ESRRB: variants seen among roughly 807,000 people sequenced by gnomAD.
ESRRB encodes the protein steroid hormone receptor ERR2.
In ESRRB, 16 loss-of-function variants were observed where a neutral mutation model predicts 46.0. The ratio of observed to expected loss-of-function variants is 0.35; its 90% confidence interval spans 0.24 to 0.53. ESRRB has a LOEUF of 0.53. ESRRB is among the 20% of genes least tolerant of loss of function. The pLI is 0.93. For synonymous variants in ESRRB, 246 were observed against 259.6 expected (o/e 0.95, Z 0.50); for missense variants, 488 against 607.4 (o/e 0.80, Z 2.07).
Position 76,499,790 on chromosome 14 carries a change from CTA to C in ESRRB, c.*1334_*1335del. Reference sequence around the variant, plus strand: ...AGGCACACGGGGACAGTGGGTCACTCTATTTCTGTGGATGGCCGTGAAAGTTT... The same window carrying C: ...AGGCACACGGGGACAGTGGGTCACTCTTTCTGTGGATGGCCGTGAAAGTTT... On this transcript the variant is annotated 3_prime_UTR_variant, in exon 7 of 7. Transcript: ENST00000644823. The C allele has an allele frequency of 9.2e-6, 12 of 1,301,728 alleles. No homozygotes were observed. The highest frequency in any genetic ancestry group is 1.3e-5 in the Non-Finnish European group (12 of 895,256). The allele number at this position is 1,301,728 out of a possible 1,614,324, so 80.6% of individuals were successfully genotyped here.
intron 3 of ESRRB, chr14:76,463,445 G>GTTTTTTTTGTTTTGTTTTTTTTTTTTT (rs1362309981): frequency 8.7e-6 from 1 of 114,738 alleles, no homozygotes; most frequent in African/African-American, 3.7e-5. Flanking sequence ...ATGCTTCTTT[G>GTTTTTTTTGTTTTGTTTTTTTTTTTTT]TTTTTTTTTT....
At chr14:76,450,147 G>C (rs1357248997) in intron 2 of ESRRB, among the ~76,000 whole-genome samples, 2 of 152,110 alleles carry the variant, frequency 1.3e-5, no homozygotes, top group African/African-American at 4.8e-5. Flanking sequence ...GAGAAAGGGG[G>C]GGGGTCTCAT....
chr14:76,346,011 G>T (rs1417234292), intron 1 of ESRRB, among the ~76,000 whole-genome samples: 2 of 152,092 alleles, frequency 1.3e-5, no homozygotes, highest in Non-Finnish European at 2.9e-5. Context: ...ATTTGAGGAA[G>T]GATCTGTCCA....
intron 2 of ESRRB, among the ~76,000 whole-genome samples, chr14:76,452,465 A>G (rs1888423050): frequency 6.6e-6 from 1 of 151,806 alleles, no homozygotes; most frequent in African/African-American, 2.4e-5. Flanking sequence ...CGTCTATACT[A>G]AAAATACAAA....
intron 3 of ESRRB, among the ~76,000 whole-genome samples, chr14:76,468,720 C>T (rs1456367531): frequency 2.0e-5 from 3 of 152,062 alleles, no homozygotes; most frequent in Non-Finnish European, 4.4e-5. Flanking sequence ...ATAATAGTGC[C>T]TATCTTCATC....
chr14:76,389,057 G>A (rs2139815755), intron 1 of ESRRB, among the ~76,000 whole-genome samples: 1 of 152,308 alleles, frequency 6.6e-6, no homozygotes, highest in African/African-American at 2.4e-5. Context: ...AAGATATGGA[G>A]CGTATCTTCA....
intron 1 of ESRRB, among the ~76,000 whole-genome samples, chr14:76,352,266 A>G (rs34672020): frequency 0.47 from 70,810 of 151,994 alleles, 16,519 homozygotes; most frequent in Admixed American, 0.48. Flanking sequence ...ATAAGAACCT[A>G]TGTAAATGCC....
Position 76,399,726 on chromosome 14 carries a change from C to T in ESRRB, c.50+23275C>T, listed in dbSNP as rs77859710. ...AAGAGGAACTCCAAAAATGCTTTGA[C>T]GAAAGCCAGCATCACTGGGAATTGG... On this transcript the variant is annotated intron_variant, in intron 1 of 6. Transcript: ENST00000644823. Among the ~76,000 whole-genome samples, 651 of 152,258 alleles carry T rather than the reference C, an allele frequency of 4.3e-3. 6 individuals are homozygous for T. The highest frequency in any genetic ancestry group is 0.014 in the African/African-American group (583 of 41,556).
chr14:76,442,871 G>T (rs1273107323), intron 2 of ESRRB, among the ~76,000 whole-genome samples: 1 of 144,482 alleles, frequency 6.9e-6, no homozygotes, highest in Non-Finnish European at 1.5e-5. Context: ...CTGGAGTGCA[G>T]TGGCATGATC....
In ESRRB at chr14:76,395,610, T is replaced by C. The variant is rs143684730; in HGVS notation, c.50+19159T>C. 1.6e-3 allele frequency among the ~76,000 whole-genome samples: 237 copies of C among 152,148 alleles called. 1 individual carries two copies. Among genetic ancestry groups the C allele is most frequent in the African/African-American group, 5.3e-3 (221 of 41,494 alleles). ...TCTGAAAAGTGGGAATAAGAATCCT[T>C]CTCTTATAGGGTTGCAGAAGAATTT... On this transcript the variant is annotated intron_variant, in intron 1 of 6. Transcript: ENST00000644823.
At chr14:76,464,190 C>T (rs889645987) in intron 3 of ESRRB, among the ~76,000 whole-genome samples, 12 of 152,230 alleles carry the variant, frequency 7.9e-5, no homozygotes, top group South Asian at 4.2e-4. Flanking sequence ...TGGGGGTGAT[C>T]AGAAGGGGCT....
intron 1 of ESRRB, among the ~76,000 whole-genome samples, chr14:76,333,647 G>C (rs1884091409): frequency 6.6e-6 from 1 of 150,604 alleles, no homozygotes; most frequent in African/African-American, 2.4e-5. Flanking sequence ...TAAGTCAAAA[G>C]AAACAGTTGA....
chr14:76,454,195 C>G (rs1344760751), intron 2 of ESRRB, among the ~76,000 whole-genome samples: 1 of 152,130 alleles, frequency 6.6e-6, no homozygotes, highest in Non-Finnish European at 1.5e-5. Flanking sequence ...CATTTGGTAG[C>G]TGAAAGGTCA....
intron 5 of ESRRB, among the ~76,000 whole-genome samples, chr14:76,486,211 T>C (rs1450877006): frequency 6.6e-6 from 1 of 152,174 alleles, no homozygotes; most frequent in East Asian, 1.9e-4. Flanking sequence ...AATTGCAGCC[T>C]CCTCCAAATG....
chr14:76,447,659 C>T (rs1042922528), intron 2 of ESRRB, among the ~76,000 whole-genome samples: 1 of 152,158 alleles, frequency 6.6e-6, no homozygotes, highest in African/African-American at 2.4e-5. Context: ...CATCAGCCCT[C>T]CATGTTCAAG....
intron 1 of ESRRB, among the ~76,000 whole-genome samples, chr14:76,425,272 C>G (rs543838762): frequency 3.8e-4 from 58 of 152,248 alleles, no homozygotes; most frequent in African/African-American, 1.4e-3. Context: ...AATACTTTTA[C>G]TTTTCACAAA....
intron 3 of ESRRB, among the ~76,000 whole-genome samples, chr14:76,469,926 G>GTTTTTTTTTTTT (rs1356927268): frequency 4.6e-4 from 31 of 67,600 alleles, no homozygotes; most frequent in African/African-American, 8.1e-4. Flanking sequence ...TGTGTTTTTT[G>GTTTTTTTTTTTT]TTGTTTTTTT....
intron 3 of ESRRB, among the ~76,000 whole-genome samples, chr14:76,479,183 C>A (rs1358949180): frequency 6.6e-6 from 1 of 152,114 alleles, no homozygotes; most frequent in African/African-American, 2.4e-5. Flanking sequence ...ACAGCGGAGA[C>A]TGCTCCTGCC....
chr14:76,440,944 A>G (rs1175396146), intron 2 of ESRRB, among the ~76,000 whole-genome samples: 1 of 152,184 alleles, frequency 6.6e-6, no homozygotes, highest in Admixed American at 6.5e-5. Flanking sequence ...GCTACTAGGG[A>G]GGCTGAGACA....
Sources: gnomAD v4.1 joint callset for allele counts (sites outside exome capture counted in the v4.1 genomes callset) on GRCh38, gnomAD v4.1.1 for gene constraint, MANE v1.5 for transcripts, NCBI Gene and HGNC (gene_info 2026-07-23, HGNC 2026-07-21) for gene names.